Variants in PAFAH1B1 observed in about 807,000 individuals in gnomAD.
PAFAH1B1 encodes platelet activating factor acetylhydrolase 1b regulatory subunit 1.
In PAFAH1B1, 2 loss-of-function variants were observed where a neutral mutation model predicts 57.5. That is an observed-to-expected ratio of 0.03 (90% confidence interval 0.01 to 0.11). The LOEUF (loss-of-function observed/expected upper bound fraction) is 0.11, where lower values mean the gene tolerates loss of function less well. Ranked by LOEUF, PAFAH1B1 falls within the 10% of genes least tolerant of loss-of-function variation. The pLI is 1.00. For missense variants in PAFAH1B1, 257 were observed against 512.0 expected (o/e 0.50, Z 4.81); for synonymous variants, 152 against 169.6 (o/e 0.90, Z 0.81).
chr17:2,667,386 T>C, intron 5 of PAFAH1B1, 188 bp downstream of exon 5: 2 of 552,198 alleles, frequency 3.6e-6, no homozygotes, highest in South Asian at 2.0e-5. Flanking sequence ...ATCCTGAAAA[T>C]GAGGGCCTAT....
chr17:2,593,499 A>T (rs1188399412), upstream of PAFAH1B1, among the ~76,000 whole-genome samples: 2 of 151,394 alleles, frequency 1.3e-5, no homozygotes, highest in East Asian at 3.9e-4. Context: ...GCTAGAAGGC[A>T]GCGCGGCCCC....
intron 1 of PAFAH1B1, among the ~76,000 whole-genome samples, chr17:2,602,354 A>G (rs1389857342): frequency 6.6e-6 from 1 of 152,182 alleles, no homozygotes. Flanking sequence ...AAGACATCAA[A>G]TGTCACTAGC....
chr17:2,645,652 C>A (rs1210283891), intron 2 of PAFAH1B1, among the ~76,000 whole-genome samples: 2 of 149,030 alleles, frequency 1.3e-5, no homozygotes, highest in Admixed American at 6.7e-5. Context: ...CTCGCTCTGT[C>A]CCCCAGGCTG....
At chr17:2,628,415 T>C (rs2068518371) in intron 1 of PAFAH1B1, among the ~76,000 whole-genome samples, 1 of 152,350 alleles carries the variant, frequency 6.6e-6, no homozygotes, top group Middle Eastern at 3.4e-3. Context: ...ATCCCTAATA[T>C]GAAACCTACT....
chr17:2,657,955 A>C (rs1206494454), intron 2 of PAFAH1B1, among the ~76,000 whole-genome samples: 1 of 152,242 alleles, frequency 6.6e-6, no homozygotes, highest in Non-Finnish European at 1.5e-5. Context: ...TATTCAATAC[A>C]TGACAGTTGT....
chr17:2,652,007 CT>C (rs2068856984), intron 2 of PAFAH1B1, among the ~76,000 whole-genome samples: 1 of 152,212 alleles, frequency 6.6e-6, no homozygotes, highest in South Asian at 2.1e-4. Context: ...CCCTGCCTCC[CT>C]AAACCCCTCA....
At chr17:2,676,236 C>T (rs1383222365) in intron 8 of PAFAH1B1, 3 of 388,778 alleles carry the variant, frequency 7.7e-6, no homozygotes, top group Non-Finnish European at 1.5e-5. Flanking sequence ...AAATTAGCCA[C>T]ATGTGGTGGT....
intron 1 of PAFAH1B1, among the ~76,000 whole-genome samples, chr17:2,596,680 G>C (rs2151605666): frequency 6.6e-6 from 1 of 152,142 alleles, no homozygotes; most frequent in East Asian, 1.9e-4. Flanking sequence ...GGTTATTATG[G>C]TGAGGAAATG....
At chr17:2,640,450 C>CTT (rs2068681558) in intron 2 of PAFAH1B1, 1 of 137,030 alleles carries the variant, frequency 7.3e-6, no homozygotes, top group Non-Finnish European at 1.6e-5. Flanking sequence ...CTCATATTGT[C>CTT]CTTTTTTTTT....
intron 2 of PAFAH1B1, chr17:2,639,438 A>T (rs2068668195): frequency 6.6e-6 from 1 of 152,210 alleles, no homozygotes; most frequent in Non-Finnish European, 1.5e-5. Flanking sequence ...AGATGCTTTA[A>T]TGAGAGAGGT....
At chr17:2,614,775 G>A (rs1372076808) in intron 1 of PAFAH1B1, among the ~76,000 whole-genome samples, 9 of 151,634 alleles carry the variant, frequency 5.9e-5, no homozygotes, top group Admixed American at 5.9e-4. Flanking sequence ...TTTTTTTAGA[G>A]ATGAGTCTTG....
intron 2 of PAFAH1B1, among the ~76,000 whole-genome samples, chr17:2,646,037 C>T (rs2068763863): frequency 6.6e-6 from 1 of 152,002 alleles, no homozygotes; most frequent in East Asian, 1.9e-4. Flanking sequence ...ACAGAAAATA[C>T]AGTCTTCAAT....
At chr17:2,670,023 A>C (rs760293751) in intron 5 of PAFAH1B1, 140 bp from the exon 6 acceptor site, 11 of 760,574 alleles carry the variant, frequency 1.4e-5, no homozygotes, top group Non-Finnish European at 2.4e-5. Context: ...CATGAGATAC[A>C]ATATTTCTAA....
intron 1 of PAFAH1B1, chr17:2,613,676 G>A (rs760707324): frequency 1.1e-5 from 3 of 284,832 alleles, no homozygotes; most frequent in Admixed American, 4.6e-5. Flanking sequence ...CCGCCCCTCC[G>A]CGAAGCTGCA....
chr17:2,662,721 A>G (rs1041854498), intron 2 of PAFAH1B1, among the ~76,000 whole-genome samples: 1 of 152,006 alleles, frequency 6.6e-6, no homozygotes, highest in South Asian at 2.1e-4. Flanking sequence ...GATTCTTTAT[A>G]GTATTACTGG....
chr17:2,671,806 T>C (rs2069187782), intron 6 of PAFAH1B1, among the ~76,000 whole-genome samples: 2 of 151,840 alleles, frequency 1.3e-5, no homozygotes, highest in Non-Finnish European at 2.9e-5. Context: ...TTTAACCATA[T>C]TGGCCAGGCT....
rs1441732159 is a variant in PAFAH1B1, at chr17:2,676,528, G to A, written c.924G>A (p.Gly308=). 10 of 1,612,212 alleles carry A rather than the reference G, an allele frequency of 6.2e-6. No homozygotes were observed. The highest frequency in any genetic ancestry group is 7.6e-6 in the Non-Finnish European group (9 of 1,178,680). The stretch of plus-strand genomic sequence containing the variant: ...AGACTAAAAAAAGTGGTAAACCTGG[G>A]CCATTCTTGCTGTCTGGATCCAGAG... ...GSETKKSGKP[G]PFLLSGSRDK... is the part of the protein sequence containing the mutation. The change falls in exon 9 of 11, where the codon GGG becomes GGA. Residue 308 remains glycine (G), a synonymous_variant. Coordinates refer to ENST00000397195, the MANE Select transcript of PAFAH1B1 (RefSeq NM_000430.4).
intron 2 of PAFAH1B1, among the ~76,000 whole-genome samples, chr17:2,659,161 G>A (rs990023132): frequency 6.6e-6 from 1 of 151,962 alleles, no homozygotes; most frequent in Admixed American, 6.6e-5. Context: ...TGAGGCAGGA[G>A]AATCGCTTGA....
intron 1 of PAFAH1B1, among the ~76,000 whole-genome samples, chr17:2,599,097 C>CTCTCTA (rs1491353890): frequency 2.0e-5 from 3 of 152,174 alleles, no homozygotes; most frequent in Non-Finnish European, 2.9e-5. Flanking sequence ...TGGAATGGTA[C>CTCTCTA]TCTCTATTGT....
Sources: allele counts gnomAD v4.1 joint callset (sites outside exome capture counted in the v4.1 genomes callset), GRCh38; gene constraint gnomAD v4.1.1; transcripts MANE v1.5; gene names NCBI Gene and HGNC (gene_info 2026-07-23, HGNC 2026-07-21).